Variants in EOGT observed in about 807,000 individuals in gnomAD.
EOGT encodes the protein EGF domain-specific O-linked N-acetylglucosamine transferase.
A neutral mutation model predicts 70.5 loss-of-function variants in EOGT; 55 were observed. The ratio of observed to expected loss-of-function variants is 0.78; its 90% CI spans 0.63 to 0.98. The LOEUF (loss-of-function observed/expected upper bound fraction) is 0.98. Among genes scored for constraint, EOGT ranks in the 50% least tolerant of loss-of-function variants. EOGT has a pLI of 0.00. For synonymous variants in EOGT, 246 were observed against 217.1 expected, an observed-to-expected ratio of 1.13 and a Z score of -1.17; for missense variants, 703 against 641.9, an observed-to-expected ratio of 1.10 and a Z score of -1.03.
intron 10 of EOGT, among the ~76,000 whole-genome samples, chr3:68,997,398 T>C (rs2091180707): frequency 6.6e-6 from 1 of 151,164 alleles, no homozygotes; most frequent in Non-Finnish European, 1.5e-5. Flanking sequence ...AGACAGAGTC[T>C]TGCTCTGTCA....
chr3:68,980,592 T>G (rs1381560743), intron 15 of EOGT, among the ~76,000 whole-genome samples: 1 of 152,142 alleles, frequency 6.6e-6, no homozygotes, highest in Non-Finnish European at 1.5e-5. Context: ...TAAAGAAAAA[T>G]AAATGATCAA....
At chr3:68,991,966 C>T (rs1033602541) in intron 10 of EOGT, among the ~76,000 whole-genome samples, 1 of 152,178 alleles carries the variant, frequency 6.6e-6, no homozygotes, top group Non-Finnish European at 1.5e-5. Context: ...TATTCACTAT[C>T]ACGAGAATAG....
At chr3:69,003,423 C>A (rs538329043) in intron 8 of EOGT, among the ~76,000 whole-genome samples, 2 of 152,130 alleles carry the variant, frequency 1.3e-5, no homozygotes, top group African/African-American at 2.4e-5. Context: ...GTTTTTCCTG[C>A]GCTGTTCTCA....
At chr3:68,991,539 C>A (rs1191099313) in intron 10 of EOGT, among the ~76,000 whole-genome samples, 1 of 152,132 alleles carries the variant, frequency 6.6e-6, no homozygotes. Flanking sequence ...ATCCATTAAA[C>A]AGAATACCAC....
In EOGT at chr3:68,979,672, C is replaced by T. The variant is rs2090577592; in HGVS notation, c.1330G>A (p.Glu444Lys). 2 of 1,613,618 alleles carry T rather than the reference C, an allele frequency of 1.2e-6. No individual in the cohort carries two copies. Among genetic ancestry groups the T allele is most frequent in the Non-Finnish European group, 1.7e-6 (2 of 1,179,744 alleles). The change falls in exon 16 of 18, where the codon GAA (glutamate) becomes AAA (lysine). Residue 444 changes from glutamate to lysine, a missense_variant. Physicochemically the swap from Glu to Lys is moderately conservative, Grantham distance 56. Coordinates refer to ENST00000383701, the MANE Select transcript of EOGT (RefSeq NM_001278689.2). ...AAACTGCCTCCCAACACTTACAGTTCAAATACAGCAGCCCAGTCTGGAAGG... is the reference window on the plus strand; with the variant it reads ...AAACTGCCTCCCAACACTTACAGTTTAAATACAGCAGCCCAGTCTGGAAGG... The part of the protein sequence containing the change: ...LFLPDWAAVF[E>K]LYNCEDERCY...
chr3:69,004,546 T>C, intron 7 of EOGT, 64 bp from the exon 8 acceptor site: 3 of 1,082,294 alleles, frequency 2.8e-6, no homozygotes, highest in Non-Finnish European at 4.2e-6. Context: ...GCACGTGGGT[T>C]GTAACTAAAG....
At position 69,005,131 on chromosome 3, in the gene EOGT, C is replaced by T. The variant is rs776670186; in HGVS notation, c.515+9G>A. 8.2e-6 allele frequency: 12 copies of T among 1,467,008 alleles called. No individual in the cohort carries two copies. The South Asian group carries it at 1.3e-4, about 16-fold the overall frequency. The allele number at this position is 1,467,008 out of a possible 1,614,324, so 90.9% of individuals were successfully genotyped here. ...TTATACTAGATGTTAACATTAACCA[C>T]TAAAGTACCTGTCATGATTTCTCTT... is the stretch of plus-strand genomic sequence containing the variant. On this transcript the variant is annotated intron_variant, in intron 7 of 17. Coordinates refer to ENST00000383701, the MANE Select transcript of EOGT (RefSeq NM_001278689.2).
At chr3:68,999,855 C>T (rs1003483731) in intron 9 of EOGT, among the ~76,000 whole-genome samples, 1 of 152,124 alleles carries the variant, frequency 6.6e-6, no homozygotes, top group African/African-American at 2.4e-5. Flanking sequence ...TAAGCTCCAT[C>T]CTTGAGAAAT....
chr3:68,999,180 T>C (rs1165942770), intron 9 of EOGT, among the ~76,000 whole-genome samples: 2 of 152,210 alleles, frequency 1.3e-5, no homozygotes, highest in East Asian at 1.9e-4. Flanking sequence ...GCCAGCTTTA[T>C]TATGAGAAAC....
intron 8 of EOGT, among the ~76,000 whole-genome samples, chr3:69,002,686 G>C (rs1265115993): frequency 6.8e-6 from 1 of 147,654 alleles, no homozygotes; most frequent in East Asian, 2.0e-4. Flanking sequence ...ACAGGGTCTT[G>C]ATCCATCGCC....
Position 68,980,690 on chromosome 3 carries a change from C to A in EOGT, c.1215-903G>T, listed in dbSNP as rs538865890. Among the ~76,000 whole-genome samples the A allele has an allele frequency of 3.3e-5, 5 of 152,316 alleles. No individual in the cohort carries two copies. The South Asian group carries it at 1.0e-3, about 32-fold the overall frequency. ...CCGCATAGGAAAAAGATGACAGCTCCATGTGTATGTGTATCACAACGAGAA... is the reference window on the plus strand; with the variant it reads ...CCGCATAGGAAAAAGATGACAGCTCAATGTGTATGTGTATCACAACGAGAA... On this transcript the variant is annotated intron_variant, in intron 15 of 17. Coordinates refer to ENST00000383701, the MANE Select transcript of EOGT (RefSeq NM_001278689.2).
intron 4 of EOGT, among the ~76,000 whole-genome samples, chr3:69,009,271 G>A (rs2091509857): frequency 6.6e-6 from 1 of 152,198 alleles, no homozygotes; most frequent in African/African-American, 2.4e-5. Context: ...TGTTATTACT[G>A]AAATTAAGTG....
At chr3:68,978,462 G>A (rs1313343748) in intron 16 of EOGT, 27 bp from the exon 17 acceptor site, 9 of 1,500,120 alleles carry the variant, frequency 6.0e-6, no homozygotes, top group African/African-American at 1.4e-5. Flanking sequence ...GTCACAACAT[G>A]AGGCTTTTGT....
At chr3:68,982,426 A>C (rs1392023690) in intron 15 of EOGT, among the ~76,000 whole-genome samples, 1 of 152,168 alleles carries the variant, frequency 6.6e-6, no homozygotes, top group Non-Finnish European at 1.5e-5. Context: ...AGGCAGAGGC[A>C]GGAGAATTAC....
intron 6 of EOGT, among the ~76,000 whole-genome samples, chr3:69,006,303 C>G (rs1006093158): frequency 3.9e-5 from 6 of 152,198 alleles, no homozygotes; most frequent in African/African-American, 1.4e-4. Context: ...AATGGCATGC[C>G]TCACATCCTG....
At chr3:69,007,983 C>T (rs892141405) in intron 5 of EOGT, among the ~76,000 whole-genome samples, 162 bp from the exon 6 acceptor site, 1 of 152,220 alleles carries the variant, frequency 6.6e-6, no homozygotes, top group Middle Eastern at 3.4e-3. Context: ...CATGAAGTTA[C>T]GAAACTAAGT....
In EOGT at chr3:69,012,659, G is replaced by C. The variant is rs1039987945; in HGVS notation, c.-215C>G. On this transcript the variant is annotated 5_prime_UTR_variant, in exon 2 of 18. Coordinates refer to ENST00000383701, the MANE Select transcript of EOGT (RefSeq NM_001278689.2). ...CCTGGCACAAAGCCTTCCTGGTGTC[G>C]GTCGTCCTGCAAGGCCCGCCGGGAT... The C allele has an allele frequency of 6.5e-6, 1 of 152,688 alleles. No individual in the cohort carries two copies. Among genetic ancestry groups the C allele is most frequent in the South Asian group, 2.1e-4 (1 of 4,840 alleles). 9.5% of individuals were successfully genotyped at this position (152,688 alleles called of 1,614,324 possible).
At position 69,004,447 on chromosome 3, in the gene EOGT, C is replaced by T. The variant is rs767466340; in HGVS notation, c.551G>A (p.Gly184Glu). Residue 184 changes from glycine (G) to glutamate (E), a missense_variant, in exon 8 of 18, where the codon GGA becomes GAA. Coordinates refer to ENST00000383701, the MANE Select transcript of EOGT (RefSeq NM_001278689.2). ...ACGGATGTCAAGTTTACAGTGCCCT[C>T]CAATTTCACCACTCTGGAAAAAGTC... Reference protein sequence around the residue: ...KEDFFQSGEIGGHCKLDIRTL... With the variant: ...KEDFFQSGEIEGHCKLDIRTL... 5.6e-6 allele frequency: 9 copies of T among 1,614,022 alleles called. 1 individual carries two copies. The South Asian group carries it at 8.8e-5, about 16-fold the overall frequency.
chr3:68,992,938 T>C (rs2091038087), intron 10 of EOGT, among the ~76,000 whole-genome samples: 2 of 152,212 alleles, frequency 1.3e-5, no homozygotes, highest in Non-Finnish European at 2.9e-5. Context: ...CTTTCAGCCA[T>C]GGCTGGAGCG....
Sources: allele counts gnomAD v4.1 joint callset (sites outside exome capture counted in the v4.1 genomes callset), GRCh38; gene constraint gnomAD v4.1.1; transcripts MANE v1.5; gene names NCBI Gene and HGNC (gene_info 2026-07-23, HGNC 2026-07-21).